FOXO3: variants seen among roughly 807,000 people sequenced by gnomAD.
FOXO3 encodes the protein forkhead box protein O3.
A neutral mutation model predicts 41.9 loss-of-function variants in FOXO3; 4 were observed. That is an observed-to-expected ratio of 0.10 (90% CI 0.05 to 0.22). FOXO3 has a LOEUF of 0.22. FOXO3 is among the 10% of genes least tolerant of loss of function. The pLI, the probability that FOXO3 is intolerant of heterozygous loss-of-function variation, is 1.00. For synonymous variants in FOXO3, 318 were observed against 389.3 expected (o/e 0.82, Z 2.16); for missense variants, 534 against 906.8 (o/e 0.59, Z 5.28).
intron 1 of FOXO3, among the ~76,000 whole-genome samples, chr6:108,647,593 A>G (rs1362874594): frequency 6.6e-6 from 1 of 152,242 alleles, no homozygotes; most frequent in Non-Finnish European, 1.5e-5. Context: ...ATTGATAATT[A>G]TCAAAGAGCA....
chr6:108,646,812 G>C (rs1407645286), intron 1 of FOXO3, among the ~76,000 whole-genome samples: 4 of 152,200 alleles, frequency 2.6e-5, no homozygotes, highest in Non-Finnish European at 1.5e-5. Flanking sequence ...GTTCAGAAGA[G>C]AAAATAAAGG....
rs140309050 is a variant in FOXO3 at position 108,647,649 on chromosome 6, C to CTAG, written c.622-15805_622-15803dup. Reference sequence around the variant, plus strand: ...ACAATCCAGTATCATTTCAGAGGTACTAGACATGTAGATGTCCGTGAACAC... The same window carrying CTAG: ...ACAATCCAGTATCATTTCAGAGGTACTAGTAGACATGTAGATGTCCGTGAACAC... On this transcript the variant is annotated intron_variant, in intron 1 of 2. Coordinates refer to ENST00000406360, the MANE Select transcript of FOXO3 (RefSeq NM_001455.4). Among the ~76,000 whole-genome samples, 1,040 of 152,236 alleles carry CTAG rather than the reference C, an allele frequency of 6.8e-3. 15 individuals carry two copies. The highest frequency in any genetic ancestry group is 0.024 in the African/African-American group (980 of 41,532).
intron 1 of FOXO3, among the ~76,000 whole-genome samples, chr6:108,584,166 G>A (rs1435888895): frequency 1.3e-5 from 2 of 152,204 alleles, no homozygotes; most frequent in East Asian, 3.8e-4. Context: ...ATTGCTTCTG[G>A]TGAGTCTGCA....
At chr6:108,604,638 A>G (rs566359902) in intron 1 of FOXO3, among the ~76,000 whole-genome samples, 1 of 152,326 alleles carries the variant, frequency 6.6e-6, no homozygotes, top group African/African-American at 2.4e-5. Context: ...AATTTGAACA[A>G]CAACCAGTGA....
intron 1 of FOXO3, chr6:108,656,470 T>A: frequency 1.0e-6 from 1 of 985,440 alleles, no homozygotes; most frequent in Non-Finnish European, 1.2e-6. Context: ...TTTTTAAAGT[T>A]TGAAATCCTT....
At chr6:108,601,258 C>T (rs1441413024) in intron 1 of FOXO3, among the ~76,000 whole-genome samples, 2 of 151,824 alleles carry the variant, frequency 1.3e-5, no homozygotes, top group East Asian at 1.9e-4. Flanking sequence ...GTGATCCACC[C>T]ACCTCGGCCT....
At chr6:108,565,207 T>A (rs142025813) in intron 1 of FOXO3, among the ~76,000 whole-genome samples, 1 of 152,186 alleles carries the variant, frequency 6.6e-6, no homozygotes, top group Non-Finnish European at 1.5e-5. Context: ...TTAGGAACTA[T>A]GAAGTGATAA....
intron 1 of FOXO3, among the ~76,000 whole-genome samples, chr6:108,642,786 A>G (rs751569065): frequency 1.3e-5 from 2 of 152,192 alleles, no homozygotes; most frequent in African/African-American, 2.4e-5. Flanking sequence ...CACTGAGACT[A>G]TCATTTTAAC....
intron 1 of FOXO3, among the ~76,000 whole-genome samples, chr6:108,580,395 GT>G (rs1776382090): frequency 6.6e-6 from 1 of 151,896 alleles, no homozygotes; most frequent in Non-Finnish European, 1.5e-5. Context: ...CCAGGCTGGT[GT>G]TTACACATTT....
At chr6:108,662,324 C>T (rs9398171) in intron 1 of FOXO3, among the ~76,000 whole-genome samples, 84,462 of 151,964 alleles carry the variant, frequency 0.56, 26,587 homozygotes, top group Non-Finnish European at 0.7. Context: ...AGATATTGAC[C>T]CCGATCACCT....
At chr6:108,564,264 A>G (rs1211178523) in intron 1 of FOXO3, among the ~76,000 whole-genome samples, 2 of 152,194 alleles carry the variant, frequency 1.3e-5, no homozygotes, top group Non-Finnish European at 2.9e-5. Context: ...CTGGTTTTAT[A>G]TTTTGATTAT....
At chr6:108,651,605 T>C (rs1285272946) in intron 1 of FOXO3, among the ~76,000 whole-genome samples, 1 of 152,228 alleles carries the variant, frequency 6.6e-6, no homozygotes, top group African/African-American at 2.4e-5. Flanking sequence ...GTAAATTTCA[T>C]GTGAAGGAAG....
intron 1 of FOXO3, among the ~76,000 whole-genome samples, chr6:108,592,836 G>T (rs182847626): frequency 6.6e-6 from 1 of 152,190 alleles, no homozygotes; most frequent in Non-Finnish European, 1.5e-5. Flanking sequence ...TTGGGAGGGC[G>T]CTAAGAATGG....
intron 1 of FOXO3, among the ~76,000 whole-genome samples, chr6:108,610,337 G>A (rs1184127418): frequency 6.6e-6 from 1 of 152,082 alleles, no homozygotes; most frequent in Non-Finnish European, 1.5e-5. Flanking sequence ...TCCTTATCAG[G>A]AACTCAGAGT....
At chr6:108,565,992 G>T (rs1775937630) in intron 1 of FOXO3, among the ~76,000 whole-genome samples, 1 of 152,134 alleles carries the variant, frequency 6.6e-6, no homozygotes, top group Non-Finnish European at 1.5e-5. Flanking sequence ...GAATCTGTCT[G>T]CTTGGCCCGT....
intron 1 of FOXO3, among the ~76,000 whole-genome samples, chr6:108,638,832 G>A (rs1402408563): frequency 1.3e-5 from 2 of 152,212 alleles, no homozygotes; most frequent in East Asian, 1.9e-4. Flanking sequence ...TAGGTTAGAG[G>A]TCTAGATTCT....
chr6:108,602,657 CA>C (rs778496604), intron 1 of FOXO3, among the ~76,000 whole-genome samples: 53 of 136,330 alleles, frequency 3.9e-4, no homozygotes, highest in South Asian at 9.1e-4. Context: ...AAAACCAAAC[CA>C]AAAAAAAAAA....
At chr6:108,612,571 T>G (rs1236440583) in intron 1 of FOXO3, among the ~76,000 whole-genome samples, 1 of 151,794 alleles carries the variant, frequency 6.6e-6, no homozygotes, top group Non-Finnish European at 1.5e-5. Flanking sequence ...TCCCGGCTAC[T>G]CAGGAGGCTG....
intron 1 of FOXO3, among the ~76,000 whole-genome samples, chr6:108,591,565 G>A (rs921436520): frequency 6.6e-6 from 1 of 152,166 alleles, no homozygotes; most frequent in East Asian, 1.9e-4. Context: ...TTCACTTTTC[G>A]GTCAGGCATT....
Sources: allele counts gnomAD v4.1 joint callset (sites outside exome capture counted in the v4.1 genomes callset), GRCh38; gene constraint gnomAD v4.1.1; transcripts MANE v1.5; gene names NCBI Gene and HGNC (gene_info 2026-07-23, HGNC 2026-07-21).